The following CALN1 variants were observed in gnomAD, a reference collection of about 807,000 sequenced individuals.
CALN1 encodes calcium-binding protein 8.
In CALN1, 17 loss-of-function variants were observed where a neutral mutation model predicts 30.6. That is an observed-to-expected ratio of 0.56 (90% CI 0.38 to 0.83). The LOEUF (loss-of-function observed/expected upper bound fraction) is 0.83. CALN1 is among the 40% of genes least tolerant of loss of function. CALN1 has a pLI of 0.00. For missense variants in CALN1, 291 were observed against 354.9 expected, an observed-to-expected ratio of 0.82 and a Z score of 1.45; for synonymous variants, 156 against 131.4, an observed-to-expected ratio of 1.19 and a Z score of -1.28.
chr7:72,486,346 C>G, the CALN1 span, among the ~76,000 whole-genome samples: 18 of 152,010 alleles, frequency 1.2e-4, no homozygotes, highest in Non-Finnish European at 2.4e-4. Context: ...ACCTGTAAAT[C>G]ATCTATATCA....
At chr7:71,953,583 G>A (rs762604165) in intron 5 of CALN1, among the ~76,000 whole-genome samples, 2 of 151,968 alleles carry the variant, frequency 1.3e-5, no homozygotes, top group South Asian at 4.2e-4. Flanking sequence ...GTGCTTTCAC[G>A]CCTATTAACA....
At chr7:71,982,216 T>C (rs2129527270) in intron 5 of CALN1, among the ~76,000 whole-genome samples, 1 of 152,214 alleles carries the variant, frequency 6.6e-6, no homozygotes, top group East Asian at 1.9e-4. Flanking sequence ...ACCCAAAAAA[T>C]CAAGAAAAAA....
intron 5 of CALN1, among the ~76,000 whole-genome samples, chr7:71,945,753 A>T (rs1473512535): frequency 6.6e-6 from 1 of 152,252 alleles, no homozygotes; most frequent in Non-Finnish European, 1.5e-5. Context: ...CACTGATTCT[A>T]CATGATGTGT....
chr7:72,501,812 A>G, the CALN1 span, among the ~76,000 whole-genome samples: 6 of 148,464 alleles, frequency 4.0e-5, no homozygotes, highest in African/African-American at 1.0e-4. Flanking sequence ...GGGAGGCTGC[A>G]GCAGGAGAAT....
Position 71,950,301 on chromosome 7 carries a change from G to A in CALN1, c.501+73356C>T, listed in dbSNP as rs149853884. Among the ~76,000 whole-genome samples the A allele has an allele frequency of 5.7e-3, 873 of 152,180 alleles. 8 individuals are homozygous for A. Among genetic ancestry groups the A allele is most frequent in the African/African-American group, 0.019 (807 of 41,508 alleles). On this transcript the variant is annotated intron_variant, in intron 5 of 6. Coordinates refer to ENST00000395275, the MANE Select transcript of CALN1 (RefSeq NM_031468.4). ...TCTGTTCCAACTCCATCATTTTACA[G>A]GTGAGGAAACTGAGGCAGAGGGACT...
At chr7:72,196,081 G>A (rs979787678) in intron 3 of CALN1, among the ~76,000 whole-genome samples, 8 of 152,026 alleles carry the variant, frequency 5.3e-5, no homozygotes, top group East Asian at 3.9e-4. Flanking sequence ...GAGATTGGAG[G>A]AGTGAATGCT....
intron 5 of CALN1, among the ~76,000 whole-genome samples, chr7:71,853,141 G>C (rs1790747367): frequency 6.6e-6 from 1 of 151,516 alleles, no homozygotes; most frequent in Non-Finnish European, 1.5e-5. Flanking sequence ...CAGTGGTGCA[G>C]TCATAGCTCA....
intron 4 of CALN1, among the ~76,000 whole-genome samples, chr7:72,071,257 A>C (rs978140479): frequency 2.0e-5 from 3 of 152,246 alleles, no homozygotes; most frequent in African/African-American, 7.2e-5. Flanking sequence ...TGTCCTCCAA[A>C]TATAGGGGTT....
chr7:72,274,658 A>G (rs1478011535), intron 3 of CALN1, among the ~76,000 whole-genome samples: 1 of 152,198 alleles, frequency 6.6e-6, no homozygotes, highest in Admixed American at 6.5e-5. Context: ...TATATGCATA[A>G]ACTTCCTGGA....
rs375705532 is a variant in CALN1, at chr7:71,787,765, C to T, written c.*10G>A. ...GTGAGCTGCAACACAGTGTGGCTGGCGGGAGGCTGCTACTCCATGCCGCTC... is the reference window on the plus strand; with the variant it reads ...GTGAGCTGCAACACAGTGTGGCTGGTGGGAGGCTGCTACTCCATGCCGCTC... On this transcript the variant is annotated 3_prime_UTR_variant, in exon 7 of 7. Transcript: ENST00000395275. 5.5e-5 allele frequency: 88 copies of T among 1,612,406 alleles called. No individual in the cohort carries two copies. Among genetic ancestry groups the T allele is most frequent in the South Asian group, 3.1e-4 (28 of 90,998 alleles).
chr7:72,468,994 A>G, the CALN1 span, among the ~76,000 whole-genome samples: 1 of 152,080 alleles, frequency 6.6e-6, no homozygotes, highest in Non-Finnish European at 1.5e-5. Context: ...TTCTTTTCCC[A>G]TTTTGTGGGT....
chr7:72,278,210 G>C (rs1462192522), intron 3 of CALN1, among the ~76,000 whole-genome samples: 2 of 152,054 alleles, frequency 1.3e-5, no homozygotes, highest in Non-Finnish European at 2.9e-5. Flanking sequence ...CTGTCACCTA[G>C]ACAAAGCTTC....
At chr7:71,811,963 G>A (rs576830765) in intron 5 of CALN1, among the ~76,000 whole-genome samples, 146 of 152,296 alleles carry the variant, frequency 9.6e-4, no homozygotes, top group Non-Finnish European at 1.6e-3. Context: ...ACAGGTGTGA[G>A]CCACTGCGCC....
intron 5 of CALN1, among the ~76,000 whole-genome samples, chr7:71,910,664 GAAAA>G (rs1794380032): frequency 6.6e-6 from 1 of 151,880 alleles, no homozygotes; most frequent in South Asian, 2.1e-4. Context: ...TAAGAACAGA[GAAAA>G]AAAGGGCTTA....
intron 2 of CALN1, among the ~76,000 whole-genome samples, chr7:72,313,921 A>T (rs756934369): frequency 3.9e-5 from 6 of 152,222 alleles, no homozygotes; most frequent in Non-Finnish European, 8.8e-5. Context: ...TGGTAACCAC[A>T]GGGTGGACAA....
At chr7:71,968,106 C>G (rs1292245084) in intron 5 of CALN1, among the ~76,000 whole-genome samples, 2 of 152,142 alleles carry the variant, frequency 1.3e-5, no homozygotes, top group Non-Finnish European at 2.9e-5. Context: ...CGACTCTATT[C>G]ATAGTTACTC....
intron 2 of CALN1, among the ~76,000 whole-genome samples, chr7:72,400,778 T>A (rs1806287130): frequency 6.6e-6 from 1 of 152,162 alleles, no homozygotes; most frequent in Non-Finnish European, 1.5e-5. Context: ...GGCCTTAGAT[T>A]TCATGAGACC....
chr7:72,087,238 A>G (rs754375004), intron 4 of CALN1, among the ~76,000 whole-genome samples: 7 of 152,206 alleles, frequency 4.6e-5, no homozygotes, highest in African/African-American at 7.2e-5. Context: ...AGTACCTCTC[A>G]TAGCACAGAC....
chr7:72,146,631 A>C (rs1183293508), intron 3 of CALN1, among the ~76,000 whole-genome samples: 1 of 152,310 alleles, frequency 6.6e-6, no homozygotes, highest in South Asian at 2.1e-4. Context: ...TAAAGTTCAT[A>C]TGGAACCAAA....
Sources: gnomAD v4.1 joint callset for allele counts (sites outside exome capture counted in the v4.1 genomes callset) on GRCh38, gnomAD v4.1.1 for gene constraint, MANE v1.5 for transcripts, NCBI Gene and HGNC (gene_info 2026-07-23, HGNC 2026-07-21) for gene names.